Variants in GUCY2C observed in about 807,000 individuals in gnomAD.
GUCY2C encodes the protein guanylyl cyclase C.
GUCY2C carries 118 observed loss-of-function variants against 131.1 expected under a neutral mutation model. That is an observed-to-expected ratio of 0.90 (90% CI 0.78 to 1.05). GUCY2C has a LOEUF of 1.05. Among genes scored for constraint, GUCY2C ranks in the 50% least tolerant of loss-of-function variants. The pLI, the probability that GUCY2C is intolerant of heterozygous loss-of-function variation, is 0.00. For synonymous variants in GUCY2C, 452 were observed against 457.8 expected, an observed-to-expected ratio of 0.99 and a Z score of 0.16; for missense variants, 1,161 against 1,304.4, an observed-to-expected ratio of 0.89 and a Z score of 1.69.
chr12:14,657,730 G>A (rs569539309), intron 11 of GUCY2C, among the ~76,000 whole-genome samples: 110 of 152,232 alleles, frequency 7.2e-4, no homozygotes, highest in African/African-American at 2.4e-3. Flanking sequence ...ATGATCTGAG[G>A]TGGAACAGTT....
intron 10 of GUCY2C, among the ~76,000 whole-genome samples, chr12:14,667,932 C>T (rs1948014462): frequency 6.6e-6 from 1 of 150,826 alleles, no homozygotes; most frequent in Non-Finnish European, 1.5e-5. Flanking sequence ...TGTCATTTAA[C>T]ATTCTTCATA....
chr12:14,654,467 G>C (rs1398560697), intron 12 of GUCY2C, among the ~76,000 whole-genome samples: 2 of 152,062 alleles, frequency 1.3e-5, no homozygotes, highest in East Asian at 3.9e-4. Context: ...GAGTAACAAT[G>C]ATCACATGAT....
At chr12:14,667,726 T>A (rs572913657) in intron 10 of GUCY2C, among the ~76,000 whole-genome samples, 3 of 152,154 alleles carry the variant, frequency 2.0e-5, no homozygotes, top group Non-Finnish European at 4.4e-5. Flanking sequence ...AGAGTCATTG[T>A]GGAAATTTTG....
At chr12:14,653,103 G>T in intron 12 of GUCY2C, 89 bp from the exon 13 acceptor site, 2 of 955,216 alleles carry the variant, frequency 2.1e-6, no homozygotes, top group Non-Finnish European at 3.4e-6. Context: ...TTCCAGGTGG[G>T]CTGCATCTGT....
intron 3 of GUCY2C, among the ~76,000 whole-genome samples, chr12:14,684,085 G>A (rs1948409095): frequency 6.6e-6 from 1 of 152,060 alleles, no homozygotes; most frequent in Admixed American, 6.6e-5. Context: ...CCTATACACT[G>A]TGGTCAATCA....
At chr12:14,631,928 T>C (rs1417982390) in intron 19 of GUCY2C, among the ~76,000 whole-genome samples, 1 of 150,224 alleles carries the variant, frequency 6.7e-6, no homozygotes, top group African/African-American at 2.4e-5. Context: ...CCATTCTAAC[T>C]GGTGTGAGAT....
At chr12:14,682,836 G>A (rs1023023528) in intron 4 of GUCY2C, among the ~76,000 whole-genome samples, 4 of 152,154 alleles carry the variant, frequency 2.6e-5, no homozygotes, top group Non-Finnish European at 5.9e-5. Context: ...AAAGAGTGTT[G>A]CAGATGCAAA....
chr12:14,621,153 G>A lies in GUCY2C; in HGVS notation c.2665C>T (p.His889Tyr). Reference sequence around the variant, plus strand: ...GCCATCTTGGCAATGTCTATTGCATGCCGATTGCCATTTCTCTTAGGCAAA... The same window carrying A: ...GCCATCTTGGCAATGTCTATTGCATACCGATTGCCATTTCTCTTAGGCAAA... Reference protein sequence around the residue: ...SGLPKRNGNRHAIDIAKMALE... With the variant: ...SGLPKRNGNRYAIDIAKMALE... Residue 889 changes from histidine (H) to tyrosine (Y), a missense_variant, in exon 23 of 27, where the codon CAT becomes TAT. Coordinates refer to ENST00000261170, the MANE Select transcript of GUCY2C (RefSeq NM_004963.4). 6.2e-7 allele frequency: 1 copy of A among 1,612,986 alleles called. No homozygotes were observed. Among genetic ancestry groups the A allele is most frequent in the East Asian group, 2.2e-5 (1 of 44,876 alleles).
chr12:14,621,128 G>A lies in GUCY2C; in HGVS notation c.2690C>T (p.Ala897Val). 3.1e-6 allele frequency: 5 copies of A among 1,613,424 alleles called. No individual in the cohort carries two copies. The highest frequency in any genetic ancestry group is 1.7e-4 in the Middle Eastern group (1 of 6,026). Residue 897 changes from alanine (A) to valine (V), a missense_variant, in exon 23 of 27, where the codon GCC becomes GTC. Transcript: ENST00000261170. ...CCCCATGAAGCTGAGGATTTCCAAG[G>A]CCATCTTGGCAATGTCTATTGCATG... ...NRHAIDIAKMALEILSFMGTF... is the reference protein window; with the variant it reads ...NRHAIDIAKMVLEILSFMGTF...
intron 11 of GUCY2C, 133 bp downstream of exon 11, chr12:14,660,848 G>A: frequency 6.1e-6 from 4 of 652,984 alleles, no homozygotes; most frequent in Non-Finnish European, 8.3e-6. Flanking sequence ...GATGCAGAAT[G>A]TCTTCATTAT....
intron 20 of GUCY2C, among the ~76,000 whole-genome samples, chr12:14,626,363 A>C (rs1947018216): frequency 6.6e-6 from 1 of 152,180 alleles, no homozygotes; most frequent in Admixed American, 6.5e-5. Flanking sequence ...CCTCAGGACA[A>C]GAATAAGATT....
intron 5 of GUCY2C, among the ~76,000 whole-genome samples, 167 bp from the exon 6 acceptor site, chr12:14,679,920 T>C (rs769881731): frequency 4.0e-5 from 6 of 151,670 alleles, no homozygotes; most frequent in Non-Finnish European, 5.9e-5. Flanking sequence ...TTTACAATTA[T>C]AGAGTCAGAA....
rs771553188 is a variant in GUCY2C, at chr12:14,621,991, G to A, written c.2601+14C>T. The A allele has an allele frequency of 6.4e-6, 10 of 1,559,828 alleles. No individual in the cohort carries two copies. Among genetic ancestry groups the A allele is most frequent in the Non-Finnish European group, 8.7e-6 (10 of 1,149,696 alleles). Reference sequence around the variant, plus strand: ...TACAATTAATGGTTTCAGCCTGTTAGGTGATGTGGTTACCTTGTAGACATC... The same window carrying A: ...TACAATTAATGGTTTCAGCCTGTTAAGTGATGTGGTTACCTTGTAGACATC... On this transcript the variant is annotated intron_variant, in intron 22 of 26. Transcript: ENST00000261170.
Position 14,674,261 on chromosome 12 carries a change from A to G in GUCY2C, c.1084+364T>C, listed in dbSNP as rs142583905. ...ACAGGGTCCCAGATCCTTGAAGGATAGAAAAGGAGATATGGAAGGACCCAA... is the reference window on the plus strand; with the variant it reads ...ACAGGGTCCCAGATCCTTGAAGGATGGAAAAGGAGATATGGAAGGACCCAA... On this transcript the variant is annotated intron_variant, in intron 8 of 26. Transcript: ENST00000261170. The G allele has an allele frequency of 1.3e-3, 399 of 305,064 alleles. 1 individual carries two copies. The highest frequency in any genetic ancestry group is 2.1e-3 in the Non-Finnish European group (330 of 156,834). The allele number at this position is 305,064 out of a possible 1,614,324, so 18.9% of individuals were successfully genotyped here. A position where few individuals can be genotyped will look rare whatever the true frequency, so the allele number is the denominator to read the frequency against.
rs77532305 is a variant in GUCY2C, at chr12:14,676,986, A to G, written c.831-15T>C. 3.5e-3 allele frequency: 3,408 copies of G among 963,432 alleles called. 67 individuals carry two copies. The African/African-American group carries it at 0.046, about 13-fold the overall frequency. The allele number at this position is 963,432 out of a possible 1,614,324, so 59.7% of individuals were successfully genotyped here. A position where few individuals can be genotyped will look rare whatever the true frequency, so the allele number is the denominator to read the frequency against. On this transcript the variant is annotated splice_polypyrimidine_tract_variant and intron_variant, in intron 6 of 26. Transcript: ENST00000261170. ...AGTACTGGTCACTGTAATAAAAAGC[A>G]CAGGTTCCTCATGAAAATTAGGAAA...
chr12:14,674,572 A>G, intron 8 of GUCY2C, 53 bp downstream of exon 8: 1 of 1,570,134 alleles, frequency 6.4e-7, no homozygotes, highest in Non-Finnish European at 8.8e-7. Context: ...AAATCCACTC[A>G]GAAAGCCTAC....
Position 14,621,098 on chromosome 12 carries a change from A to G in GUCY2C, c.2720T>C (p.Phe907Ser). The stretch of plus-strand genomic sequence containing the variant: ...GAGGCCAGGAAGATGCTCCAGCTCA[A>G]AGGTCCCCATGAAGCTGAGGATTTC... ...ALEILSFMGT[F>S]ELEHLPGLPI... Residue 907 changes from phenylalanine (F) to serine (S), a missense_variant, in exon 23 of 27, where the codon TTT becomes TCT. Transcript: ENST00000261170. 2 of 1,614,038 alleles carry G rather than the reference A, an allele frequency of 1.2e-6. No individual in the cohort carries two copies. The highest frequency in any genetic ancestry group is 1.7e-6 in the Non-Finnish European group (2 of 1,179,952).
chr12:14,637,730 A>G (rs1225756983), intron 19 of GUCY2C, among the ~76,000 whole-genome samples: 1 of 152,178 alleles, frequency 6.6e-6, no homozygotes, highest in African/African-American at 2.4e-5. Context: ...TCAACTCAAG[A>G]TAGATTTAAG....
At chr12:14,650,567 C>T (rs1183425963) in intron 15 of GUCY2C, among the ~76,000 whole-genome samples, 11 of 152,098 alleles carry the variant, frequency 7.2e-5, no homozygotes, top group Non-Finnish European at 1.5e-4. Flanking sequence ...TTTTTAAGAA[C>T]TTTTACCTTA....
Sources: gnomAD v4.1 joint callset for allele counts (sites outside exome capture counted in the v4.1 genomes callset) on GRCh38, gnomAD v4.1.1 for gene constraint, MANE v1.5 for transcripts, NCBI Gene and HGNC (gene_info 2026-07-23, HGNC 2026-07-21) for gene names.